The following SMAP1 variants were observed in gnomAD, a reference collection of about 807,000 sequenced individuals.
The protein encoded by SMAP1 is small ArfGAP 1.
A neutral mutation model predicts 58.5 loss-of-function variants in SMAP1; 24 were observed. That is an observed-to-expected ratio of 0.41 (90% CI 0.30 to 0.58). The LOEUF is 0.58. Among genes scored for constraint, SMAP1 ranks in the 20% least tolerant of loss-of-function variants. The probability of loss-of-function intolerance (pLI) is 0.29; values close to 1 mark genes in which losing one functional copy is unlikely to be tolerated. For synonymous variants in SMAP1, 216 were observed against 196.6 expected, an observed-to-expected ratio of 1.10 and a Z score of -0.82; for missense variants, 563 against 566.3, an observed-to-expected ratio of 0.99 and a Z score of 0.06.
intron 6 of SMAP1, among the ~76,000 whole-genome samples, chr6:70,803,899 T>C (rs906361336): frequency 2.0e-5 from 3 of 152,164 alleles, no homozygotes; most frequent in Non-Finnish European, 2.9e-5. Flanking sequence ...CTGAGGAGTG[T>C]TTTACTTCCA....
chr6:70,800,920 A>G (rs890561801), intron 6 of SMAP1, among the ~76,000 whole-genome samples: 2 of 152,120 alleles, frequency 1.3e-5, no homozygotes, highest in South Asian at 2.1e-4. Flanking sequence ...TCTATCATTG[A>G]TGGACATTTG....
chr6:70,736,614 C>T lies in SMAP1; in HGVS notation c.252+4103C>T, dbSNP rs552984896. ...AAGATTAGTAGATGTCTTTATTCTA[C>T]TTGCAGCTTGACAAACTAAAATTGA... On this transcript the variant is annotated intron_variant, in intron 2 of 10. Transcript: ENST00000370455. Among the ~76,000 whole-genome samples the T allele has an allele frequency of 9.2e-5, 14 of 152,290 alleles. No homozygotes were observed. The South Asian group carries it at 2.9e-3, about 32-fold the overall frequency.
chr6:70,791,320 G>T (rs1286942722), intron 4 of SMAP1, among the ~76,000 whole-genome samples: 2 of 152,082 alleles, frequency 1.3e-5, no homozygotes, highest in Non-Finnish European at 2.9e-5. Flanking sequence ...ACTTGGGACA[G>T]TGTGTCTTTA....
intron 2 of SMAP1, among the ~76,000 whole-genome samples, chr6:70,740,211 T>C (rs1287941379): frequency 1.3e-5 from 2 of 152,206 alleles, no homozygotes; most frequent in African/African-American, 2.4e-5. Flanking sequence ...CTATTCAAGA[T>C]AGCTTTTTTA....
At chr6:70,810,843 C>T (rs573038451) in intron 6 of SMAP1, among the ~76,000 whole-genome samples, 4 of 152,244 alleles carry the variant, frequency 2.6e-5, no homozygotes, top group East Asian at 1.9e-4. Flanking sequence ...CCTGGCTCCC[C>T]TTTTTTTATT....
At chr6:70,685,234 A>G (rs894967957) in intron 1 of SMAP1, among the ~76,000 whole-genome samples, 2 of 151,988 alleles carry the variant, frequency 1.3e-5, no homozygotes, top group African/African-American at 4.8e-5. Context: ...CTGAGACTAG[A>G]CCAGTGCAAA....
intron 7 of SMAP1, among the ~76,000 whole-genome samples, chr6:70,845,603 A>G (rs912200863): frequency 6.6e-6 from 1 of 152,370 alleles, no homozygotes; most frequent in Admixed American, 6.5e-5. Flanking sequence ...AGTGAATAAC[A>G]GTTGGAAAAG....
Position 70,861,366 on chromosome 6 carries a change from T to C in SMAP1, c.*1032T>C, listed in dbSNP as rs919045305. The C allele has an allele frequency of 1.5e-5, 4 of 275,862 alleles. No individual in the cohort carries two copies. Among genetic ancestry groups the C allele is most frequent in the African/African-American group, 8.6e-5 (4 of 46,662 alleles). 17.1% of individuals were successfully genotyped at this position (275,862 alleles called of 1,614,324 possible). ...GCAAATTGGAGAAAAAGAAAAAATA[T>C]ATACTCAAGAGTGGTATCTTGCAGT... On this transcript the variant is annotated 3_prime_UTR_variant, in exon 11 of 11. Transcript: ENST00000370455.
At chr6:70,733,483 G>A (rs1187874066) in intron 2 of SMAP1, among the ~76,000 whole-genome samples, 1 of 152,206 alleles carries the variant, frequency 6.6e-6, no homozygotes, top group Non-Finnish European at 1.5e-5. Flanking sequence ...AACACTTCCT[G>A]TAAGGCAGTG....
rs532260471 is a variant in SMAP1, at chr6:70,754,993, T to C, written c.266T>C (p.Met89Thr). Residue 89 changes from methionine to threonine, a missense_variant, in exon 3 of 11, where the codon ATG (methionine) becomes ACG (threonine). Transcript: ENST00000370455. The part of the protein sequence containing the change: ...TAEQIQCMQD[M>T]GNTKARLLYE... ...TTTTTATTATAGTGCATGCAAGATA[T>C]GGGAAATACTAAAGCAAGACTACTC... is the stretch of plus-strand genomic sequence containing the variant. The C allele has an allele frequency of 1.4e-5, 22 of 1,608,494 alleles. 1 individual carries two copies. The highest frequency in any genetic ancestry group is 1.7e-5 in the Non-Finnish European group (20 of 1,176,610).
At chr6:70,837,110 C>A in intron 7 of SMAP1, 82 bp downstream of exon 7, 1 of 994,736 alleles carries the variant, frequency 1.0e-6, no homozygotes, top group Non-Finnish European at 1.4e-6. Context: ...ATGGCTTTAT[C>A]TTGAGTATGC....
chr6:70,739,755 C>T (rs1208904499), intron 2 of SMAP1, among the ~76,000 whole-genome samples: 2 of 151,802 alleles, frequency 1.3e-5, no homozygotes, highest in East Asian at 1.9e-4. Context: ...TTATCATTTG[C>T]TTTTGGATCC....
intron 1 of SMAP1, among the ~76,000 whole-genome samples, chr6:70,717,500 G>A (rs906685776): frequency 6.6e-6 from 1 of 152,172 alleles, no homozygotes; most frequent in African/African-American, 2.4e-5. Flanking sequence ...CAGTGCACAG[G>A]GAGGGGTTTG....
At chr6:70,775,885 C>G (rs908085913) in intron 4 of SMAP1, among the ~76,000 whole-genome samples, 4 of 152,030 alleles carry the variant, frequency 2.6e-5, no homozygotes, top group Non-Finnish European at 5.9e-5. Context: ...ATTTTTTCCT[C>G]TTTCATGGTG....
intron 2 of SMAP1, among the ~76,000 whole-genome samples, chr6:70,752,057 A>G (rs1766300841): frequency 6.6e-6 from 1 of 152,208 alleles, no homozygotes; most frequent in African/African-American, 2.4e-5. Context: ...AATAGAGGTA[A>G]CACTTATAGC....
chr6:70,768,009 CAT>C (rs1416182805), intron 3 of SMAP1, among the ~76,000 whole-genome samples: 11 of 150,900 alleles, frequency 7.3e-5, no homozygotes, highest in Non-Finnish European at 1.6e-4. Flanking sequence ...TTGAGATAAT[CAT>C]GTGGTTTTTG....
intron 6 of SMAP1, among the ~76,000 whole-genome samples, chr6:70,826,934 CAAA>C (rs61069311): frequency 3.9e-5 from 3 of 76,630 alleles, no homozygotes; most frequent in Non-Finnish European, 6.9e-5. Context: ...AACCGTGTCT[CAAA>C]AAAAAAAAAA....
intron 9 of SMAP1, 176 bp from the exon 10 acceptor site, chr6:70,857,746 G>A (rs186099548): frequency 1.6e-6 from 1 of 617,090 alleles, no homozygotes. Flanking sequence ...CTGCATCCTA[G>A]AAACAACCAG....
intron 6 of SMAP1, among the ~76,000 whole-genome samples, chr6:70,803,480 G>A (rs1768961260): frequency 6.6e-6 from 1 of 151,782 alleles, no homozygotes; most frequent in African/African-American, 2.4e-5. Flanking sequence ...AGGTTTTTTT[G>A]TGTCTCTATT....
Sources: gnomAD v4.1 joint callset for allele counts (sites outside exome capture counted in the v4.1 genomes callset) on GRCh38, gnomAD v4.1.1 for gene constraint, MANE v1.5 for transcripts, NCBI Gene and HGNC (gene_info 2026-07-23, HGNC 2026-07-21) for gene names.